MYO5C: variants seen among roughly 807,000 people sequenced by gnomAD.
MYO5C encodes the protein unconventional myosin-Vc.
Under a neutral mutation model 235.7 loss-of-function variants are expected in MYO5C, and 194 were observed. That is an observed-to-expected ratio of 0.82 (90% CI 0.73 to 0.93). MYO5C has a LOEUF of 0.93. MYO5C is among the 40% of genes least tolerant of loss of function. The probability of loss-of-function intolerance (pLI) is 0.00; values close to 1 mark genes in which losing one functional copy is unlikely to be tolerated. For missense variants in MYO5C, 2,038 were observed against 2,127.2 expected (o/e 0.96, Z 0.82); for synonymous variants, 707 against 754.8 (o/e 0.94, Z 1.04).
chr15:52,279,016 T>A lies in MYO5C; in HGVS notation c.306A>T (p.Gly102=). ...AAGGATTCATGGCCACCAAAATGAT[T>A]CCTGGGGAAAGATGTTAGATGCAGT... ...AESKLIYTYS[G]IILVAMNPYK... is the part of the protein sequence containing the mutation. The change falls in exon 4 of 41, where the codon GGA becomes GGT. Residue 102 remains glycine, a splice_region_variant and synonymous_variant. Coordinates refer to ENST00000261839, the MANE Select transcript of MYO5C (RefSeq NM_018728.4). 6.2e-7 allele frequency: 1 copy of A among 1,611,384 alleles called. No homozygotes were observed.
intron 25 of MYO5C, 112 bp downstream of exon 25, chr15:52,229,021 A>G: frequency 8.1e-7 from 1 of 1,241,408 alleles, no homozygotes; most frequent in Non-Finnish European, 1.1e-6. Context: ...ATCAGGCTCC[A>G]GTTGCCTGTG....
At chr15:52,236,341 G>C (rs576223191) in intron 22 of MYO5C, among the ~76,000 whole-genome samples, 37 of 152,312 alleles carry the variant, frequency 2.4e-4, no homozygotes, top group African/African-American at 8.7e-4. Context: ...GATGTCTTCT[G>C]GGCCTCCAAG....
intron 39 of MYO5C, 33 bp from the exon 40 acceptor site, chr15:52,195,490 T>G: frequency 1.4e-6 from 2 of 1,399,044 alleles, no homozygotes; most frequent in Non-Finnish European, 2.0e-6. Context: ...TGTTAGACCA[T>G]GCAAAATAAT....
intron 36 of MYO5C, among the ~76,000 whole-genome samples, chr15:52,207,477 T>C (rs1448799816): frequency 6.6e-6 from 1 of 152,234 alleles, no homozygotes; most frequent in Middle Eastern, 3.2e-3. Flanking sequence ...TATTTTAACT[T>C]CCTTCCATTG....
chr15:52,209,669 G>T (rs1490904264), intron 35 of MYO5C, among the ~76,000 whole-genome samples: 2 of 152,158 alleles, frequency 1.3e-5, no homozygotes, highest in East Asian at 1.9e-4. Flanking sequence ...AGCAAATACT[G>T]TGTGTCCTGG....
At chr15:52,226,824 T>C (rs1391644575) in intron 25 of MYO5C, among the ~76,000 whole-genome samples, 2 of 152,192 alleles carry the variant, frequency 1.3e-5, no homozygotes. Context: ...ATAACACATA[T>C]AACTTGATGA....
In MYO5C at chr15:52,229,330, G is replaced by A; in HGVS notation, c.3027-17C>T. 6.2e-7 allele frequency: 1 copy of A among 1,607,420 alleles called. No individual in the cohort carries two copies. Among genetic ancestry groups the A allele is most frequent in the Non-Finnish European group, 8.5e-7 (1 of 1,178,954 alleles). On this transcript the variant is annotated splice_polypyrimidine_tract_variant and intron_variant, in intron 24 of 40. Transcript: ENST00000261839. ...TCAAGAAGCCTACGCAGCAAAAGAA[G>A]AAAATAATTTAGAGCTGAGCATGGT...
intron 3 of MYO5C, 112 bp from the exon 4 acceptor site, chr15:52,279,129 T>G (rs945589681): frequency 1.7e-6 from 2 of 1,161,468 alleles, no homozygotes; most frequent in African/African-American, 3.1e-5. Context: ...TCTGTGTGAC[T>G]TTGGGCAAGT....
chr15:52,260,754 T>C, intron 10 of MYO5C, 108 bp downstream of exon 10: 1 of 1,269,042 alleles, frequency 7.9e-7, no homozygotes, highest in Non-Finnish European at 1.1e-6. Context: ...GAGAATGTTA[T>C]CTTTCTAATC....
chr15:52,213,378 T>G, intron 33 of MYO5C, 92 bp from the exon 34 acceptor site: 1 of 852,732 alleles, frequency 1.2e-6, no homozygotes, highest in Non-Finnish European at 2.0e-6. Flanking sequence ...TTCTGGCTGG[T>G]TTGCACGTAA....
chr15:52,262,176 A>T (rs1452379328), intron 9 of MYO5C, among the ~76,000 whole-genome samples: 1 of 152,246 alleles, frequency 6.6e-6, no homozygotes, highest in Non-Finnish European at 1.5e-5. Context: ...CTTTTCAAAA[A>T]GTCAGATGGC....
chr15:52,242,201 A>G lies in MYO5C; in HGVS notation c.2403T>C (p.Thr801=), dbSNP rs2036240857. 4 of 1,611,910 alleles carry G rather than the reference A, an allele frequency of 2.5e-6. No individual in the cohort carries two copies. The highest frequency in any genetic ancestry group is 1.7e-5 in the Admixed American group (1 of 59,684). Residue 801 remains threonine, a synonymous_variant, in exon 20 of 41, where the codon ACT becomes ACC. Transcript: ENST00000261839. ...RGQQTVRKAI[T]AVALKEAWAA... ...CCCAAGCTTCTTTTAAGGCCACTGC[A>G]GTAATAGCTTTCCTTGGTTAACAAG...
intron 36 of MYO5C, among the ~76,000 whole-genome samples, chr15:52,207,146 GAAA>G (rs796676990): frequency 8.3e-6 from 1 of 120,646 alleles, no homozygotes; most frequent in Non-Finnish European, 1.8e-5. Flanking sequence ...AAAAGAAAAA[GAAA>G]AAAAAAAAAG....
intron 25 of MYO5C, among the ~76,000 whole-genome samples, chr15:52,227,355 C>T (rs919590866): frequency 3.5e-5 from 5 of 140,918 alleles, no homozygotes; most frequent in African/African-American, 1.4e-4. Context: ...CTACCTCGCC[C>T]GGCTAATTTT....
At chr15:52,287,237 A>T (rs904346018) in intron 1 of MYO5C, among the ~76,000 whole-genome samples, 1 of 152,154 alleles carries the variant, frequency 6.6e-6, no homozygotes, top group African/African-American at 2.4e-5. Flanking sequence ...TGGAAGAATG[A>T]CCTGGCAGGC....
chr15:52,208,439 T>C, intron 36 of MYO5C, 115 bp downstream of exon 36: 2 of 881,458 alleles, frequency 2.3e-6, no homozygotes, highest in East Asian at 4.9e-5. Context: ...GTCCAACAGA[T>C]AATGTGCTGT....
chr15:52,207,964 CTG>C (rs1250919519), intron 36 of MYO5C, among the ~76,000 whole-genome samples: 7 of 152,192 alleles, frequency 4.6e-5, no homozygotes, highest in African/African-American at 1.7e-4. Context: ...ATAAAAATGT[CTG>C]TCAATACCAA....
intron 38 of MYO5C, 129 bp downstream of exon 38, chr15:52,204,736 C>A: frequency 8.7e-7 from 1 of 1,153,186 alleles, no homozygotes; most frequent in Non-Finnish European, 1.2e-6. Context: ...ACTCGAATAT[C>A]CCTACAGCAG....
chr15:52,260,567 T>C (rs1380663396), intron 10 of MYO5C, among the ~76,000 whole-genome samples: 1 of 152,180 alleles, frequency 6.6e-6, no homozygotes, highest in East Asian at 1.9e-4. Context: ...CGGGGATAGT[T>C]ATAAGGTTGT....
Sources: allele counts gnomAD v4.1 joint callset (sites outside exome capture counted in the v4.1 genomes callset), GRCh38; gene constraint gnomAD v4.1.1; transcripts MANE v1.5; gene names NCBI Gene and HGNC (gene_info 2026-07-23, HGNC 2026-07-21).